Variants in DIABLO observed in about 807,000 individuals in gnomAD.
DIABLO encodes the protein diablo homolog, mitochondrial.
In DIABLO, 32 loss-of-function variants were observed where a neutral mutation model predicts 31.7. That is an observed-to-expected ratio of 1.01 (90% CI 0.76 to 1.35). DIABLO has a LOEUF of 1.35. DIABLO is among the 40% of genes most tolerant of loss of function. DIABLO has a pLI of 0.00. For missense variants in DIABLO, 316 were observed against 286.4 expected (o/e 1.10, Z -0.75); for synonymous variants, 132 against 103.2 (o/e 1.28, Z -1.69).
chr12:122,211,499 A>G (rs1196620840), intron 5 of DIABLO, among the ~76,000 whole-genome samples: 2 of 152,054 alleles, frequency 1.3e-5, no homozygotes, highest in Non-Finnish European at 2.9e-5. Context: ...ACTTGAGCCC[A>G]TGAGTTCAAA....
chr12:122,216,379 T>A, intron 5 of DIABLO, 109 bp downstream of exon 5: 2 of 923,150 alleles, frequency 2.2e-6, no homozygotes, highest in Non-Finnish European at 3.4e-6. Context: ...GAGAGCCACT[T>A]AGACCATTTA....
intron 2 of DIABLO, among the ~76,000 whole-genome samples, chr12:122,223,288 A>C (rs976418145): frequency 2.0e-5 from 3 of 151,892 alleles, no homozygotes; most frequent in Non-Finnish European, 4.4e-5. Context: ...TACAAAAACT[A>C]GCTGGGTGCG....
Position 122,218,398 on chromosome 12 carries a change from C to G in DIABLO, c.184-1G>C. 6 of 1,614,074 alleles carry G rather than the reference C, an allele frequency of 3.7e-6. No individual in the cohort carries two copies. The highest frequency in any genetic ancestry group is 5.1e-6 in the Non-Finnish European group (6 of 1,180,014). ...TACTAAGGGAATGAGGCTCTGATTT[C>G]TGAAAGACACAAACATTGTCACTCA... On this transcript the variant is annotated splice_acceptor_variant, in intron 2 of 5. Coordinates refer to ENST00000464942, the MANE Select transcript of DIABLO (RefSeq NM_001371333.1). LOFTEE classifies it high-confidence loss of function.
chr12:122,209,787 C>G, intron 5 of DIABLO: 2 of 703,520 alleles, frequency 2.8e-6, no homozygotes, highest in South Asian at 3.0e-5. Flanking sequence ...TTAACAAGAA[C>G]CTTCAGGACA....
Position 122,218,265 on chromosome 12 carries a change from C to G in DIABLO, c.315+1G>C, listed in dbSNP as rs752367108. On this transcript the variant is annotated splice_donor_variant, in intron 3 of 5. Transcript: ENST00000464942. LOFTEE classifies it high-confidence loss of function. ...AGATCAAGAGTTAAGAGGAGACATA[C>G]CTTAGTATATTCAGTAATAGCTTCA... 6.2e-7 allele frequency: 1 copy of G among 1,614,044 alleles called. No individual in the cohort carries two copies. The highest frequency in any genetic ancestry group is 8.5e-7 in the Non-Finnish European group (1 of 1,179,998).
rs572985937 is a variant in DIABLO at position 122,211,544 on chromosome 12, T to TAA, written c.524-2969_524-2968dup. ...GGGAACATAACAAGACACCAACTCT[T>TAA]AAAAAAAAAAAAGAAAATTAGTTGG... On this transcript the variant is annotated intron_variant, in intron 5 of 5. Transcript: ENST00000464942. 5.0e-3 allele frequency among the ~76,000 whole-genome samples: 723 copies of TAA among 144,212 alleles called. 3 individuals carry two copies. The highest frequency in any genetic ancestry group is 0.012 in the African/African-American group (489 of 39,464). The allele number at this position is 144,212 out of a possible 152,430, so 94.6% of individuals were successfully genotyped here.
intron 5 of DIABLO, among the ~76,000 whole-genome samples, chr12:122,212,967 C>A (rs988648773): frequency 6.6e-6 from 1 of 151,728 alleles, no homozygotes; most frequent in Admixed American, 6.6e-5. Flanking sequence ...GTCAACCAGG[C>A]TGGGGTACAC....
chr12:122,213,534 A>G (rs1039435930), intron 5 of DIABLO, among the ~76,000 whole-genome samples: 1 of 149,774 alleles, frequency 6.7e-6, no homozygotes, highest in Non-Finnish European at 1.5e-5. Context: ...TTCCGTTTAC[A>G]ACTTTGTTAG....
In DIABLO at chr12:122,216,560, A is replaced by G. The variant is rs769722774; in HGVS notation, c.451T>C (p.Leu151=). ...AEMTSKHQEY[L]KLETTWMTAV... ...GTCATCCAAGTGGTTTCCAGCTTCAAGTACTCTTGGTGTTTTGAAGTCATC... is the reference window on the plus strand; with the variant it reads ...GTCATCCAAGTGGTTTCCAGCTTCAGGTACTCTTGGTGTTTTGAAGTCATC... The change falls in exon 5 of 6, where the codon TTG becomes CTG. Residue 151 remains leucine, a synonymous_variant. Coordinates refer to ENST00000464942, the MANE Select transcript of DIABLO (RefSeq NM_001371333.1). 1 of 1,614,230 alleles carries G rather than the reference A, an allele frequency of 6.2e-7. No homozygotes were observed. Among genetic ancestry groups the G allele is most frequent in the Non-Finnish European group, 8.5e-7 (1 of 1,180,040 alleles).
chr12:122,218,167 TTCAA>T, intron 3 of DIABLO, 95 bp downstream of exon 3: 8 of 1,417,468 alleles, frequency 5.6e-6, no homozygotes, highest in South Asian at 2.3e-5. Flanking sequence ...CTGGCTATGT[TTCAA>T]TCAAATACCA....
At chr12:122,208,671 A>C (rs759269464) in intron 5 of DIABLO, 94 bp from the exon 6 acceptor site, 45 of 1,313,630 alleles carry the variant, frequency 3.4e-5, no homozygotes, top group Non-Finnish European at 4.2e-5. Context: ...CTGTCATCTG[A>C]ACCCCTCTTG....
chr12:122,226,190 T>TAACGGCCGC (rs1555245911), upstream of DIABLO: 6 of 1,028,174 alleles, frequency 5.8e-6, 1 homozygote, highest in Non-Finnish European at 7.3e-6. Context: ...GCAAAGGCTG[T>TAACGGCCGC]AACGGCCGCG....
rs776746774 is a variant in DIABLO at position 122,216,786 on chromosome 12, C to T, written c.399G>A (p.Trp133Ter). ...KMNSEEEDEV[W>*]QVIIGARAEM... is the part of the protein sequence containing the mutation. The stretch of plus-strand genomic sequence containing the variant: ...CAGCTCTGGCTCCTATGATCACCTG[C>T]CACACTTCATCTTCCTCCTCTGAAT... The change falls in exon 4 of 6, where the codon TGG (tryptophan) becomes TGA (stop). Residue 133 changes from tryptophan (W) to a stop codon, truncating the protein, a stop_gained. Coordinates refer to ENST00000464942, the MANE Select transcript of DIABLO (RefSeq NM_001371333.1). LOFTEE classifies it high-confidence loss of function. 14 of 1,614,164 alleles carry T rather than the reference C, an allele frequency of 8.7e-6. No homozygotes were observed. The highest frequency in any genetic ancestry group is 1.2e-5 in the Non-Finnish European group (14 of 1,180,026).
chr12:122,212,045 A>T (rs1954100395), intron 5 of DIABLO, among the ~76,000 whole-genome samples: 1 of 149,558 alleles, frequency 6.7e-6, no homozygotes, highest in South Asian at 2.1e-4. Context: ...CATGTTGGCC[A>T]GGCTGGTCTC....
At chr12:122,218,160 G>T in intron 3 of DIABLO, 106 bp downstream of exon 3, 1 of 1,330,900 alleles carries the variant, frequency 7.5e-7, no homozygotes, top group Non-Finnish European at 1.1e-6. Context: ...AATAGGCCTG[G>T]CTATGTTTCA....
At position 122,208,312 on chromosome 12, in the gene DIABLO, C is replaced by T; in HGVS notation, c.*69G>A. 6.3e-7 allele frequency: 1 copy of T among 1,578,968 alleles called. No individual in the cohort carries two copies. The highest frequency in any genetic ancestry group is 1.1e-5 in the South Asian group (1 of 90,430). ...TCGGTGCACAGACAGTCATGCCAAC[C>T]CTGGGCAGGGTGGCATCTGCCCCTG... On this transcript the variant is annotated 3_prime_UTR_variant, in exon 6 of 6. Transcript: ENST00000464942.
At chr12:122,222,618 C>G (rs1002906029) in intron 2 of DIABLO, 2 of 151,682 alleles carry the variant, frequency 1.3e-5, no homozygotes, top group African/African-American at 4.9e-5. Context: ...CAGTGGTCCC[C>G]AACGTTTGTG....
rs745811393 is a variant in DIABLO at position 122,218,389 on chromosome 12, C to T, written c.192G>A (p.Glu64=). The change falls in exon 3 of 6, where the codon GAG becomes GAA. Residue 64 remains glutamate (E), a synonymous_variant. Transcript: ENST00000464942. The stretch of plus-strand genomic sequence containing the variant: ...ATGCTTCACTACTAAGGGAATGAGG[C>T]TCTGATTTCTGAAAGACACAAACAT... ...LCAVPIAQKS[E]PHSLSSEALM... 6 of 1,614,006 alleles carry T rather than the reference C, an allele frequency of 3.7e-6. No individual in the cohort carries two copies. Among genetic ancestry groups the T allele is most frequent in the Admixed American group, 1.7e-5 (1 of 59,992 alleles).
chr12:122,212,647 T>TG (rs1213164276), intron 5 of DIABLO, among the ~76,000 whole-genome samples: 3 of 150,682 alleles, frequency 2.0e-5, no homozygotes, highest in Non-Finnish European at 4.4e-5. Context: ...TTTTTTGAGA[T>TG]GGAGTCTTGC....
Sources: allele counts gnomAD v4.1 joint callset (sites outside exome capture counted in the v4.1 genomes callset), GRCh38; gene constraint gnomAD v4.1.1; transcripts MANE v1.5; gene names NCBI Gene and HGNC (gene_info 2026-07-23, HGNC 2026-07-21).